RBBP4: variants seen among roughly 807,000 people sequenced by gnomAD.
RBBP4 encodes the protein RB binding protein 4, chromatin remodeling factor, also known as histone-binding protein RBBP4.
RBBP4 carries 3 observed loss-of-function variants against 57.2 expected under a neutral mutation model. That is an observed-to-expected ratio of 0.05 (90% CI 0.02 to 0.14). The LOEUF (loss-of-function observed/expected upper bound fraction) is 0.14. Among genes scored for constraint, RBBP4 ranks in the 10% least tolerant of loss-of-function variants. The pLI is 1.00. For missense variants in RBBP4, 107 were observed against 520.6 expected, an observed-to-expected ratio of 0.21 and a Z score of 7.73; for synonymous variants, 151 against 171.5, an observed-to-expected ratio of 0.88 and a Z score of 0.93.
At chr1:32,657,689 T>C (rs1648202972) in intron 3 of RBBP4, 117 bp downstream of exon 3, 1 of 1,166,832 alleles carries the variant, frequency 8.6e-7, no homozygotes, top group Non-Finnish European at 1.2e-6. Flanking sequence ...AAAGCCTGAG[T>C]TTGCAATGGT....
Position 32,651,262 on chromosome 1 carries a change from C to T in RBBP4, c.-45C>T, listed in dbSNP as rs1647569179. On this transcript the variant is annotated 5_prime_UTR_variant, in exon 1 of 12. Coordinates refer to ENST00000373493, the MANE Select transcript of RBBP4 (RefSeq NM_005610.3). ...GAGCTCTTGCAGCCTCCCCGCCCCT[C>T]CCGCAACGCTCGACCCCAGGATTCC... The T allele has an allele frequency of 6.6e-7, 1 of 1,507,894 alleles. No individual in the cohort carries two copies. The highest frequency in any genetic ancestry group is 8.9e-7 in the Non-Finnish European group (1 of 1,128,666). 93.4% of individuals were successfully genotyped at this position (1,507,894 alleles called of 1,614,324 possible). A position where few individuals can be genotyped will look rare whatever the true frequency, so the allele number is the denominator to read the frequency against.
chr1:32,652,126 C>T (rs1647770149), intron 2 of RBBP4, 65 bp downstream of exon 2: 1 of 1,512,904 alleles, frequency 6.6e-7, no homozygotes, highest in South Asian at 1.2e-5. Context: ...TATTGATTTT[C>T]TTTTTTCCGC....
At chr1:32,652,835 T>C (rs1411856988) in intron 2 of RBBP4, among the ~76,000 whole-genome samples, 3 of 152,180 alleles carry the variant, frequency 2.0e-5, no homozygotes, top group Non-Finnish European at 4.4e-5. Context: ...CGTGAGCCAC[T>C]GCACCTGGCC....
rs529717270 is a variant in RBBP4, at chr1:32,669,434, ATTTT to A, written c.889-45_889-42del. The A allele has an allele frequency of 2.7e-6, 4 of 1,490,140 alleles. No individual in the cohort carries two copies. Among genetic ancestry groups the A allele is most frequent in the Non-Finnish European group, 3.6e-6 (4 of 1,112,488 alleles). The allele number at this position is 1,490,140 out of a possible 1,614,324, so 92.3% of individuals were successfully genotyped here. A position where few individuals can be genotyped will look rare whatever the true frequency, so the allele number is the denominator to read the frequency against. ...ATTGCAGAGATATTTTACTTACAGT[ATTTT>A]TTTTTTCTTAAAAAATTGATTACTC... On this transcript the variant is annotated intron_variant, in intron 7 of 11. Transcript: ENST00000373493. This position sits in a 1 kb window ranked among gnomAD's most constrained non-coding sequence, Gnocchi z 4.9.
In RBBP4 at chr1:32,683,287, A is replaced by G. The variant is rs947585962; in HGVS notation, c.*3582A>G. On this transcript the variant is annotated 3_prime_UTR_variant, in exon 12 of 12. Coordinates refer to ENST00000373493, the MANE Select transcript of RBBP4 (RefSeq NM_005610.3). ...CTCAAAAAAAAAAAAAAAAAAAAAGAGTAAGTCTGTGTAACATGAACATCT... is the reference window on the plus strand; with the variant it reads ...CTCAAAAAAAAAAAAAAAAAAAAAGGGTAAGTCTGTGTAACATGAACATCT... 1.4e-5 allele frequency: 2 copies of G among 142,542 alleles called. No homozygotes were observed. Among genetic ancestry groups the G allele is most frequent in the African/African-American group, 5.1e-5 (2 of 39,406 alleles). The allele number at this position is 142,542 out of a possible 1,614,324, so 8.8% of individuals were successfully genotyped here.
rs974110701 is a variant in RBBP4 at position 32,683,124 on chromosome 1, A to C, written c.*3419A>C. On this transcript the variant is annotated 3_prime_UTR_variant, in exon 12 of 12. Coordinates refer to ENST00000373493, the MANE Select transcript of RBBP4 (RefSeq NM_005610.3). ...GGTGAAACCCCGTCTCTACTAAAAT[A>C]CAAAAAAATTAGCCAGGCGTGGTGG... The C allele has an allele frequency of 1.3e-5, 2 of 152,122 alleles. No individual in the cohort carries two copies. Among genetic ancestry groups the C allele is most frequent in the Non-Finnish European group, 2.9e-5 (2 of 68,054 alleles). The allele number at this position is 152,122 out of a possible 1,614,324, so 9.4% of individuals were successfully genotyped here.
Position 32,680,259 on chromosome 1 carries a change from C to T in RBBP4, c.*554C>T. ...TCAAAACAACACGTTCCTCTTTCCC[C>T]ATATATTCATATATTTTTGCTCGTT... On this transcript the variant is annotated 3_prime_UTR_variant, in exon 12 of 12. Coordinates refer to ENST00000373493, the MANE Select transcript of RBBP4 (RefSeq NM_005610.3). The T allele has an allele frequency of 8.3e-7, 1 of 1,207,052 alleles. No homozygotes were observed. Among genetic ancestry groups the T allele is most frequent in the East Asian group, 3.9e-5 (1 of 25,884 alleles). The allele number at this position is 1,207,052 out of a possible 1,614,324, so 74.8% of individuals were successfully genotyped here.
chr1:32,671,202 C>T lies in RBBP4; in HGVS notation c.967-1248C>T, dbSNP rs1417095729. Among the ~76,000 whole-genome samples the T allele has an allele frequency of 3.3e-5, 5 of 152,214 alleles. No individual in the cohort carries two copies. In the South Asian group the frequency reaches 1.0e-3, roughly 32 times the overall value. ...AGAACTCATAGTAAATACTTGGGGA[C>T]ATAGTTATTGTATATGTCATCTGTA... On this transcript the variant is annotated intron_variant, in intron 8 of 11. Transcript: ENST00000373493.
intron 2 of RBBP4, among the ~76,000 whole-genome samples, chr1:32,654,377 C>CA (rs2148515709): frequency 6.6e-6 from 1 of 152,138 alleles, no homozygotes; most frequent in South Asian, 2.1e-4. Context: ...CACCCTGTCT[C>CA]AAAGAAAAAG....
At chr1:32,663,722 G>C (rs911227320) in intron 3 of RBBP4, among the ~76,000 whole-genome samples, 1 of 151,464 alleles carries the variant, frequency 6.6e-6, no homozygotes, top group Admixed American at 6.6e-5. Flanking sequence ...GACTACAGGC[G>C]CCTGCCACCA....
chr1:32,666,027 A>G (rs533266797), intron 3 of RBBP4, among the ~76,000 whole-genome samples: 1 of 152,324 alleles, frequency 6.6e-6, no homozygotes, highest in Non-Finnish European at 1.5e-5. Flanking sequence ...TGCACATAGT[A>G]GTCATGTGTG....
intron 3 of RBBP4, among the ~76,000 whole-genome samples, chr1:32,658,610 G>A (rs1748045): frequency 0.83 from 124,294 of 149,756 alleles, 54,003 homozygotes; most frequent in Non-Finnish European, 0.96. Context: ...GCAGTGGCGC[G>A]ATCTCAGTTC....
In RBBP4 at chr1:32,668,827, G is replaced by A. The variant is rs751464384; in HGVS notation, c.573G>A (p.Gly191=). 2.5e-6 allele frequency: 4 copies of A among 1,614,028 alleles called. No homozygotes were observed. Among genetic ancestry groups the A allele is most frequent in the South Asian group, 1.1e-5 (1 of 91,088 alleles). ...YGLSWNPNLS[G]HLLSASDDHT... ...TTTCTTGGAACCCAAATCTCAGTGG[G>A]CACTTACTTAGTGCTTCAGATGACC... The change falls in exon 5 of 12, where the codon GGG becomes GGA. Residue 191 remains glycine (G), a synonymous_variant. Transcript: ENST00000373493.
Position 32,680,673 on chromosome 1 carries a change from A to G in RBBP4, c.*968A>G. The G allele has an allele frequency of 1.2e-6, 1 of 857,332 alleles. No individual in the cohort carries two copies. Among genetic ancestry groups the G allele is most frequent in the East Asian group, 2.8e-5 (1 of 35,590 alleles). 53.1% of individuals were successfully genotyped at this position (857,332 alleles called of 1,614,324 possible). ...ACATAACCCCATGCTGATGGGTTTT[A>G]TTTAGTATAAAACATCCATCAAACA... is the stretch of plus-strand genomic sequence containing the variant. On this transcript the variant is annotated 3_prime_UTR_variant, in exon 12 of 12. Transcript: ENST00000373493.
At chr1:32,675,925 T>TA (rs1378121184) in intron 11 of RBBP4, among the ~76,000 whole-genome samples, 2 of 150,938 alleles carry the variant, frequency 1.3e-5, no homozygotes, top group Non-Finnish European at 3.0e-5. Flanking sequence ...ACCGTGTCTC[T>TA]ACCAAAAAAA....
intron 3 of RBBP4, among the ~76,000 whole-genome samples, chr1:32,667,599 T>G (rs1002647496): frequency 3.9e-5 from 6 of 152,212 alleles, no homozygotes; most frequent in Non-Finnish European, 7.3e-5. Context: ...TTATGATCTC[T>G]CATCTCCGCA....
Position 32,663,560 on chromosome 1 carries a change from C to A in RBBP4, c.311-4665C>A, listed in dbSNP as rs1428833611. Among the ~76,000 whole-genome samples the A allele has an allele frequency of 2.0e-5, 3 of 148,458 alleles. No individual in the cohort carries two copies. In the East Asian group the frequency reaches 6.0e-4, roughly 30 times the overall value. On this transcript the variant is annotated intron_variant, in intron 3 of 11. Coordinates refer to ENST00000373493, the MANE Select transcript of RBBP4 (RefSeq NM_005610.3). Reference sequence around the variant, plus strand: ...GCAGCTAGGACTTATAGGCATGTGCCACCACAGTCAGCCCCTGAAATATTT... The same window carrying A: ...GCAGCTAGGACTTATAGGCATGTGCAACCACAGTCAGCCCCTGAAATATTT...
At chr1:32,679,278 C>G (rs979049318) in intron 11 of RBBP4, among the ~76,000 whole-genome samples, 6 of 152,130 alleles carry the variant, frequency 3.9e-5, no homozygotes, top group African/African-American at 1.4e-4. Flanking sequence ...GCCTGGGAGA[C>G]AGAGCAAGGC....
chr1:32,672,107 A>G (rs1020817415), intron 8 of RBBP4, among the ~76,000 whole-genome samples: 2 of 151,770 alleles, frequency 1.3e-5, no homozygotes, highest in African/African-American at 2.4e-5. Context: ...CTCCTGCCTC[A>G]GCCTCCCGAG....
Sources: allele counts gnomAD v4.1 joint callset (sites outside exome capture counted in the v4.1 genomes callset), GRCh38; gene constraint gnomAD v4.1.1; non-coding constraint Gnocchi (gnomAD v3.1); transcripts MANE v1.5; gene names NCBI Gene and HGNC (gene_info 2026-07-23, HGNC 2026-07-21).